Variants in OPHN1 observed in about 807,000 individuals in gnomAD.
OPHN1 encodes oligophrenin-1.
A neutral mutation model predicts 60.7 loss-of-function variants in OPHN1; 11 were observed. The ratio of observed to expected loss-of-function variants is 0.18; its 90% CI spans 0.11 to 0.30. The LOEUF (loss-of-function observed/expected upper bound fraction) is 0.30, where lower values mean the gene tolerates loss of function less well. Ranked by LOEUF, OPHN1 falls within the 10% of genes least tolerant of loss-of-function variation. The pLI is 1.00. For synonymous variants in OPHN1, 226 were observed against 222.6 expected (o/e 1.02, Z -0.14); for missense variants, 449 against 611.0 (o/e 0.73, Z 2.80).
At chrX:68,161,013 C>T (rs1253966347) in intron 15 of OPHN1, among the ~76,000 whole-genome samples, 3 of 108,347 alleles carry the variant, frequency 2.8e-5, no homozygotes, top group African/African-American at 6.7e-5. Flanking sequence ...CTACAGTGAC[C>T]GGGAGAAAAA....
chrX:68,091,041 T>C (rs770564406), intron 19 of OPHN1, among the ~76,000 whole-genome samples: 9 of 111,135 alleles, frequency 8.1e-5, no homozygotes, highest in Non-Finnish European at 1.3e-4. Flanking sequence ...TCATCATCAA[T>C]GATGCAAAGA....
At chrX:68,314,474 T>C (rs908005792) in intron 2 of OPHN1, among the ~76,000 whole-genome samples, 8 of 109,531 alleles carry the variant, frequency 7.3e-5, no homozygotes, top group Admixed American at 2.0e-4. Context: ...TGAGCCGAGA[T>C]CGTGCTATTG....
chrX:68,249,789 CT>C (rs1313121891), intron 5 of OPHN1, among the ~76,000 whole-genome samples: 1 of 111,684 alleles, frequency 9.0e-6, no homozygotes, highest in Non-Finnish European at 1.9e-5. Flanking sequence ...CTGTATCACT[CT>C]TTGTATAGGA....
intron 6 of OPHN1, among the ~76,000 whole-genome samples, chrX:68,230,813 A>C: frequency 9.2e-6 from 1 of 108,473 alleles, no homozygotes. Context: ...GACCTAATGT[A>C]AATGATGAGT....
intron 5 of OPHN1, among the ~76,000 whole-genome samples, chrX:68,258,749 A>G (rs1484462932): frequency 9.0e-6 from 1 of 110,663 alleles, no homozygotes; most frequent in African/African-American, 3.3e-5. Context: ...TCTATGCCAG[A>G]TACTTTACAT....
chrX:68,348,064 AC>A (rs1483324223), intron 2 of OPHN1, among the ~76,000 whole-genome samples: 1 of 111,999 alleles, frequency 8.9e-6, no homozygotes, highest in African/African-American at 3.2e-5. Context: ...GGAGGGCCCT[AC>A]TACACACTTA....
chrX:68,422,645 A>AGGAG (rs1291581307), intron 2 of OPHN1, among the ~76,000 whole-genome samples: 2 of 97,643 alleles, frequency 2.0e-5, no homozygotes, highest in African/African-American at 7.5e-5. Context: ...GAAGGAAGGA[A>AGGAG]GGAGGGAGGG....
Position 68,432,991 on chromosome X carries a change from G to C in OPHN1, c.30C>G (p.Asp10Glu), listed in dbSNP as rs1486054742. 14 of 1,209,826 alleles carry C rather than the reference G, an allele frequency of 1.2e-5. No homozygotes were observed. In the East Asian group the frequency reaches 3.8e-4, roughly 33 times the overall value. The change falls in exon 2 of 25, where the codon GAC becomes GAG. Residue 10 changes from aspartate (D) to glutamate (E), a missense_variant. Coordinates refer to ENST00000355520, the MANE Select transcript of OPHN1 (RefSeq NM_002547.3). The part of the protein sequence containing the change: MGHPPLEFS[D>E]CYLDSPDFRE... ...GGAAATCGGGGCTGTCCAGGTAGCA[G>C]TCGCTGAACTCCAGCGGGGGATGAC...
chrX:68,252,950 G>T (rs1429671379), intron 5 of OPHN1, among the ~76,000 whole-genome samples: 1 of 110,694 alleles, frequency 9.0e-6, no homozygotes, highest in Non-Finnish European at 1.9e-5. Flanking sequence ...GGCTTTGGAA[G>T]ATGGACCTCC....
chrX:68,054,903 G>T (rs1312310464), intron 21 of OPHN1, among the ~76,000 whole-genome samples: 1 of 112,011 alleles, frequency 8.9e-6, no homozygotes, highest in East Asian at 2.8e-4. Context: ...AATATTTACA[G>T]TAAATGTAAA....
At chrX:68,107,833 T>C (rs2077088050) in intron 18 of OPHN1, among the ~76,000 whole-genome samples, 1 of 112,062 alleles carries the variant, frequency 8.9e-6, no homozygotes, top group Non-Finnish European at 1.9e-5. Flanking sequence ...GTCTGCCAGA[T>C]AGGTTCATTG....
At chrX:68,238,022 A>C (rs1025255474) in intron 5 of OPHN1, among the ~76,000 whole-genome samples, 1 of 111,826 alleles carries the variant, frequency 8.9e-6, no homozygotes, top group African/African-American at 3.3e-5. Flanking sequence ...AGGTTGAAGA[A>C]GTTCCCTTGA....
At chrX:68,065,367 C>T (rs2076909577) in intron 20 of OPHN1, among the ~76,000 whole-genome samples, 2 of 111,132 alleles carry the variant, frequency 1.8e-5, no homozygotes, top group African/African-American at 6.5e-5. Context: ...AAAAGAGTTC[C>T]TTTCTTTTAG....
chrX:68,100,987 C>T (rs886683643), intron 18 of OPHN1, among the ~76,000 whole-genome samples: 4 of 111,000 alleles, frequency 3.6e-5, no homozygotes, highest in Non-Finnish European at 7.6e-5. Context: ...ACCTCGTGAT[C>T]CGCCCGCCTC....
intron 21 of OPHN1, among the ~76,000 whole-genome samples, chrX:68,060,129 T>C (rs1193448252): frequency 9.0e-6 from 1 of 111,718 alleles, no homozygotes. Context: ...GGTAGCTACA[T>C]GCCTGCCCTT....
chrX:68,251,914 T>C (rs963247365), intron 5 of OPHN1, among the ~76,000 whole-genome samples: 2 of 112,469 alleles, frequency 1.8e-5, no homozygotes, highest in Non-Finnish European at 1.9e-5. Context: ...TACTCTGCCA[T>C]GTGACCTTGC....
chrX:68,093,681 G>C (rs1056641485), intron 19 of OPHN1, among the ~76,000 whole-genome samples: 2 of 111,252 alleles, frequency 1.8e-5, no homozygotes, highest in African/African-American at 6.5e-5. Context: ...AATGGCTAGT[G>C]ATCTTGAACA....
At chrX:68,269,264 G>T (rs2077952340) in intron 5 of OPHN1, among the ~76,000 whole-genome samples, 1 of 111,443 alleles carries the variant, frequency 9.0e-6, no homozygotes, top group African/African-American at 3.3e-5. Context: ...AACCAAAAAA[G>T]AGCCCACATC....
intron 2 of OPHN1, among the ~76,000 whole-genome samples, chrX:68,416,053 TATATATATATATATAGAG>T (rs1345120166): frequency 2.2e-3 from 24 of 11,094 alleles, no homozygotes; most frequent in East Asian, 6.3e-3. Context: ...TATATATATA[TATATATATATATATAGAG>T]AGAGAGAGAG....
Sources: allele counts gnomAD v4.1 joint callset (sites outside exome capture counted in the v4.1 genomes callset), GRCh38; gene constraint gnomAD v4.1.1; transcripts MANE v1.5; gene names NCBI Gene and HGNC (gene_info 2026-07-23, HGNC 2026-07-21).